The following DIAPH2 variants were observed in gnomAD, a reference collection of about 807,000 sequenced individuals.
DIAPH2 encodes diaphanous related formin 2.
In DIAPH2, 35 loss-of-function variants were observed where a neutral mutation model predicts 92.7. The observed-to-expected ratio is 0.38, with a 90% CI of 0.29 to 0.50. The LOEUF is 0.50. DIAPH2 is among the 20% of genes least tolerant of loss of function. The probability of loss-of-function intolerance (pLI) is 0.94; values close to 1 mark genes in which losing one functional copy is unlikely to be tolerated. For missense variants in DIAPH2, 701 were observed against 819.5 expected (o/e 0.86, Z 1.77); for synonymous variants, 301 against 280.4 (o/e 1.07, Z -0.73).
chrX:97,249,917 G>T (rs1222681459), intron 23 of DIAPH2, among the ~76,000 whole-genome samples: 1 of 110,626 alleles, frequency 9.0e-6, no homozygotes, highest in Admixed American at 9.6e-5. Flanking sequence ...CCTCAACATG[G>T]AGAAACCCCG....
chrX:97,229,709 C>T (rs111675491), intron 22 of DIAPH2, among the ~76,000 whole-genome samples: 119 of 107,903 alleles, frequency 1.1e-3, no homozygotes, highest in African/African-American at 3.8e-3. Context: ...GACTAGAAGA[C>T]CATTCCTCAA....
At chrX:97,388,430 C>T (rs1018201432) in intron 25 of DIAPH2, among the ~76,000 whole-genome samples, 1 of 111,915 alleles carries the variant, frequency 8.9e-6, no homozygotes, top group African/African-American at 3.2e-5. Context: ...TAGCTCACTG[C>T]AGCCTCAAAC....
chrX:97,471,943 C>T (rs1370808604), intron 26 of DIAPH2, among the ~76,000 whole-genome samples: 1 of 110,940 alleles, frequency 9.0e-6, no homozygotes, highest in Non-Finnish European at 1.9e-5. Context: ...ATCTGAACAC[C>T]AGTTTGTCTA....
chrX:96,836,685 GTATATATATATATATA>G (rs1242221387), intron 4 of DIAPH2, among the ~76,000 whole-genome samples: 3 of 28,325 alleles, frequency 1.1e-4, no homozygotes, highest in East Asian at 1.5e-3. Flanking sequence ...AGCAGTACAG[GTATATATATATATATA>G]TATATATATA....
At chrX:97,210,040 G>A (rs2067827881) in intron 22 of DIAPH2, among the ~76,000 whole-genome samples, 1 of 111,030 alleles carries the variant, frequency 9.0e-6, no homozygotes, top group South Asian at 3.8e-4. Flanking sequence ...CAAATTTGGA[G>A]GTCAACAAAT....
At position 96,684,884 on chromosome X, in the gene DIAPH2, G is replaced by C. The variant is rs1457225479; in HGVS notation, c.-175G>C. The C allele has an allele frequency of 3.9e-6, 2 of 508,520 alleles. No individual in the cohort carries two copies. Among genetic ancestry groups the C allele is most frequent in the Admixed American group, 6.1e-5 (1 of 16,501 alleles). 41.9% of individuals were successfully genotyped at this position (508,520 alleles called of 1,213,427 possible). On this transcript the variant is annotated 5_prime_UTR_variant, in exon 1 of 27. Transcript: ENST00000324765. ...TGGCAACGGCGTGGTTGCGTCGGGG[G>C]TGCCTGGGAGCCTGGAGTCCCGGGG...
chrX:96,800,266 T>C (rs1281372523), intron 4 of DIAPH2, among the ~76,000 whole-genome samples: 1 of 111,027 alleles, frequency 9.0e-6, no homozygotes, highest in Non-Finnish European at 1.9e-5. Context: ...CATTTTTTTT[T>C]CCCCAGATGT....
intron 4 of DIAPH2, among the ~76,000 whole-genome samples, chrX:96,856,587 A>T (rs1435966931): frequency 1.9e-4 from 5 of 26,253 alleles, no homozygotes; most frequent in African/African-American, 6.1e-4. Flanking sequence ...ATATATATTT[A>T]AAAAAAAAGT....
At chrX:97,269,002 A>G (rs1264741906) in intron 23 of DIAPH2, among the ~76,000 whole-genome samples, 1 of 108,108 alleles carries the variant, frequency 9.3e-6, no homozygotes, top group Non-Finnish European at 1.9e-5. Context: ...GATTACGGGC[A>G]CTCACCACCA....
At chrX:97,177,511 A>G (rs1340419888) in intron 22 of DIAPH2, among the ~76,000 whole-genome samples, 1 of 110,848 alleles carries the variant, frequency 9.0e-6, no homozygotes, top group Non-Finnish European at 1.9e-5. Context: ...CCTGTATGAA[A>G]GTCTTCAGTG....
At chrX:97,017,053 A>T (rs2066265727) in intron 17 of DIAPH2, among the ~76,000 whole-genome samples, 1 of 111,435 alleles carries the variant, frequency 9.0e-6, no homozygotes. Context: ...TCTGTTTTTA[A>T]CACCTTCCTT....
At chrX:97,281,609 C>G (rs758156644) in intron 23 of DIAPH2, among the ~76,000 whole-genome samples, 193 of 109,460 alleles carry the variant, frequency 1.8e-3, no homozygotes, top group African/African-American at 6.0e-3. Context: ...CCGGGCGTGG[C>G]AACGGCCGCC....
At chrX:97,573,660 T>TG (rs1347423458) in intron 26 of DIAPH2, among the ~76,000 whole-genome samples, 1 of 107,306 alleles carries the variant, frequency 9.3e-6, no homozygotes, top group African/African-American at 3.4e-5. Flanking sequence ...TTTTTTGTTT[T>TG]TTTTTTTGTT....
At chrX:97,124,265 GA>G (rs1367585711) in intron 21 of DIAPH2, among the ~76,000 whole-genome samples, 4 of 112,206 alleles carry the variant, frequency 3.6e-5, no homozygotes, top group Middle Eastern at 4.2e-3. Flanking sequence ...TTGAAAACTT[GA>G]GCTCTGAGTG....
At chrX:96,882,340 C>T (rs939165697) in intron 5 of DIAPH2, among the ~76,000 whole-genome samples, 6 of 110,659 alleles carry the variant, frequency 5.4e-5, no homozygotes, top group African/African-American at 9.9e-5. Context: ...TGAGCCACCG[C>T]GCCCGGCCGA....
intron 25 of DIAPH2, among the ~76,000 whole-genome samples, chrX:97,429,221 C>G (rs1174411710): frequency 8.9e-6 from 1 of 111,937 alleles, no homozygotes; most frequent in Non-Finnish European, 1.9e-5. Context: ...GGTTGAATGC[C>G]GAAAGTATTA....
chrX:97,296,529 T>C (rs1401802574), intron 23 of DIAPH2, among the ~76,000 whole-genome samples: 1 of 112,142 alleles, frequency 8.9e-6, no homozygotes, highest in Non-Finnish European at 1.9e-5. Context: ...CTTTAAATTC[T>C]CTCACATGTA....
At chrX:97,181,791 T>C (rs1284318324) in intron 22 of DIAPH2, among the ~76,000 whole-genome samples, 1 of 112,656 alleles carries the variant, frequency 8.9e-6, no homozygotes, top group Non-Finnish European at 1.9e-5. Flanking sequence ...AATAGTAGTC[T>C]TTTGCAAGAT....
chrX:97,245,484 G>C (rs777147764), intron 22 of DIAPH2, among the ~76,000 whole-genome samples: 5 of 110,164 alleles, frequency 4.5e-5, no homozygotes, highest in African/African-American at 1.7e-4. Context: ...TGTTGCTTAG[G>C]CTGCTCTCGA....
Sources: gnomAD v4.1 joint callset for allele counts (sites outside exome capture counted in the v4.1 genomes callset) on GRCh38, gnomAD v4.1.1 for gene constraint, MANE v1.5 for transcripts, NCBI Gene and HGNC (gene_info 2026-07-23, HGNC 2026-07-21) for gene names.